The following USH2A variants were observed in gnomAD, a reference collection of about 807,000 sequenced individuals.
USH2A encodes the protein usherin.
USH2A carries 443 observed loss-of-function variants against 538.9 expected under a neutral mutation model. The ratio of observed to expected loss-of-function variants is 0.82; its 90% CI spans 0.76 to 0.89. The LOEUF is 0.89. Ranked by LOEUF, USH2A falls within the 40% of genes least tolerant of loss-of-function variation. USH2A has a pLI of 0.00. For missense variants in USH2A, 6,633 were observed against 6,324.8 expected (o/e 1.05, Z -1.65); for synonymous variants, 2,413 against 2,273.5 (o/e 1.06, Z -1.75).
chr1:216,194,921 AT>A (rs751008223), intron 19 of USH2A, among the ~76,000 whole-genome samples: 1 of 152,138 alleles, frequency 6.6e-6, no homozygotes, highest in Non-Finnish European at 1.5e-5. Flanking sequence ...ACATGTAGTA[AT>A]TTTTACAGCA....
chr1:215,737,135 A>G (rs1418677829), intron 60 of USH2A, among the ~76,000 whole-genome samples: 1 of 151,996 alleles, frequency 6.6e-6, no homozygotes, highest in Non-Finnish European at 1.5e-5. Context: ...TCATTAAAAG[A>G]AATTAGGTGT....
chr1:216,175,318 G>A lies in USH2A; in HGVS notation c.4561C>T (p.Arg1521Cys), dbSNP rs773526991. Residue 1521 changes from arginine to cysteine, a missense_variant, in exon 21 of 72, where the codon CGT (arginine) becomes TGT (cysteine). Physicochemically the swap from Arg to Cys is radical, Grantham distance 180. Coordinates refer to ENST00000307340, the MANE Select transcript of USH2A (RefSeq NM_206933.4). ...ALMTTMMKGI[R>C]FIGNGYCKFP... ...TTACAATACCCATTTCCTATGAAAC[G>A]GATTCCTTTCATCATCGTGGTCATC... The A allele has an allele frequency of 1.3e-5, 21 of 1,613,606 alleles. No homozygotes were observed. Among genetic ancestry groups the A allele is most frequent in the East Asian group, 6.7e-5 (3 of 44,800 alleles).
Position 215,965,347 on chromosome 1 carries a change from G to A in USH2A, c.7090C>T (p.Leu2364Phe). The change falls in exon 37 of 72, where the codon CTT becomes TTT. Residue 2364 changes from leucine to phenylalanine, a missense_variant. Transcript: ENST00000307340. ...RPNGLLTHSV[L>F]FTGIFYVDPV... ...TCTACATAGAATATCCCAGTGAAAA[G>A]GACTGAGTGTGTTAAGAGTCCATTA... 1 of 1,613,794 alleles carries A rather than the reference G, an allele frequency of 6.2e-7. No individual in the cohort carries two copies. Among genetic ancestry groups the A allele is most frequent in the Non-Finnish European group, 8.5e-7 (1 of 1,179,810 alleles).
chr1:215,701,442 T>C (rs1162569010), intron 61 of USH2A, among the ~76,000 whole-genome samples: 1 of 152,224 alleles, frequency 6.6e-6, no homozygotes, highest in African/African-American at 2.4e-5. Context: ...ACTATTATTC[T>C]GTGGGAGTTT....
chr1:215,939,489 T>C (rs1458665752), intron 37 of USH2A, among the ~76,000 whole-genome samples: 1 of 152,158 alleles, frequency 6.6e-6, no homozygotes, highest in Admixed American at 6.6e-5. Flanking sequence ...AAGTCTTAAC[T>C]GAAATGTTAA....
intron 42 of USH2A, 105 bp from the exon 43 acceptor site, chr1:215,877,985 G>C (rs940952659): frequency 8.7e-6 from 13 of 1,488,020 alleles, no homozygotes; most frequent in Non-Finnish European, 1.2e-5. Flanking sequence ...ATGCGTGGAA[G>C]CATAAAGAAT....
At chr1:216,273,744 A>G (rs1451660239) in intron 11 of USH2A, among the ~76,000 whole-genome samples, 1 of 150,998 alleles carries the variant, frequency 6.6e-6, no homozygotes, top group Non-Finnish European at 1.5e-5. Flanking sequence ...ATTTCTACTT[A>G]GTTTTGGCAG....
intron 30 of USH2A, among the ~76,000 whole-genome samples, chr1:216,057,024 G>A (rs2031000198): frequency 6.6e-6 from 1 of 152,100 alleles, no homozygotes; most frequent in Non-Finnish European, 1.5e-5. Context: ...GATTATCACT[G>A]TAGAACAAAA....
chr1:216,057,853 T>G (rs1558235462), intron 30 of USH2A, among the ~76,000 whole-genome samples: 1 of 152,220 alleles, frequency 6.6e-6, no homozygotes, highest in African/African-American at 2.4e-5. Context: ...CTCCTTATTA[T>G]GTATTATACT....
intron 30 of USH2A, among the ~76,000 whole-genome samples, chr1:216,058,911 A>G (rs375598314): frequency 6.6e-6 from 1 of 152,196 alleles, no homozygotes; most frequent in Non-Finnish European, 1.5e-5. Context: ...ACGAGGCTTA[A>G]AATAAATATG....
At chr1:216,364,567 G>T (rs886513018) in intron 4 of USH2A, among the ~76,000 whole-genome samples, 3 of 152,114 alleles carry the variant, frequency 2.0e-5, no homozygotes, top group Non-Finnish European at 2.9e-5. Flanking sequence ...CCAATGACAA[G>T]TGTCCTTATA....
intron 61 of USH2A, among the ~76,000 whole-genome samples, chr1:215,704,709 T>C (rs993986061): frequency 6.6e-6 from 1 of 152,198 alleles, no homozygotes; most frequent in African/African-American, 2.4e-5. Context: ...TGCGCTTTTG[T>C]TCATGATTTC....
At chr1:215,943,229 C>T (rs1666680037) in intron 37 of USH2A, among the ~76,000 whole-genome samples, 2 of 151,854 alleles carry the variant, frequency 1.3e-5, no homozygotes, top group African/African-American at 2.4e-5. Flanking sequence ...CATAAAAAGA[C>T]AAAATAACCA....
At chr1:216,036,827 A>C (rs1031504380) in intron 32 of USH2A, among the ~76,000 whole-genome samples, 27 of 152,158 alleles carry the variant, frequency 1.8e-4, no homozygotes, top group Non-Finnish European at 5.9e-5. Context: ...TTCTGAATGT[A>C]GGTACAGGAA....
intron 37 of USH2A, among the ~76,000 whole-genome samples, chr1:215,939,767 AT>A (rs920731810): frequency 1.1e-4 from 17 of 151,556 alleles, no homozygotes; most frequent in Middle Eastern, 3.4e-3. Context: ...ATATTCCATA[AT>A]TTTTTTTTCT....
At chr1:216,014,738 C>T (rs187523391) in intron 32 of USH2A, among the ~76,000 whole-genome samples, 3 of 152,200 alleles carry the variant, frequency 2.0e-5, no homozygotes, top group African/African-American at 7.2e-5. Context: ...TATCCTTAGA[C>T]GTGTTACAAG....
At chr1:216,372,219 A>AT (rs1571751769) in intron 3 of USH2A, among the ~76,000 whole-genome samples, 1 of 151,832 alleles carries the variant, frequency 6.6e-6, no homozygotes, top group African/African-American at 2.4e-5. Flanking sequence ...CCCCTCAAAG[A>AT]TTTTTTCTTG....
At chr1:216,075,345 C>T (rs544005033) in intron 27 of USH2A, among the ~76,000 whole-genome samples, 11 of 152,160 alleles carry the variant, frequency 7.2e-5, no homozygotes, top group Middle Eastern at 6.8e-3. Flanking sequence ...AGAAATGCTC[C>T]CCAGACCTAA....
In USH2A at chr1:215,879,009, C is replaced by T. The variant is rs1328980221; in HGVS notation, c.8313G>A (p.Val2771=). The change falls in exon 42 of 72, where the codon GTG becomes GTA. Residue 2771 remains valine (V), a synonymous_variant. Coordinates refer to ENST00000307340, the MANE Select transcript of USH2A (RefSeq NM_206933.4). ...CTTTTTGACTTAACACTGCGGAAGT[C>T]ACATTGGTTAAAGTGATGTGAGGGT... ...MPDPHITLTN[V]TSAVLSQKVT... is the part of the protein sequence containing the mutation. 6.2e-7 allele frequency: 1 copy of T among 1,614,056 alleles called. No homozygotes were observed. Among genetic ancestry groups the T allele is most frequent in the Admixed American group, 1.7e-5 (1 of 60,002 alleles).
Sources: gnomAD v4.1 joint callset for allele counts (sites outside exome capture counted in the v4.1 genomes callset) on GRCh38, gnomAD v4.1.1 for gene constraint, MANE v1.5 for transcripts, NCBI Gene and HGNC (gene_info 2026-07-23, HGNC 2026-07-21) for gene names.